The following AHCTF1 variants were observed in gnomAD, a reference collection of about 807,000 sequenced individuals.
AHCTF1 encodes the protein AT-hook containing transcription factor 1.
In AHCTF1, 24 loss-of-function variants were observed where a neutral mutation model predicts 248.4. That is an observed-to-expected ratio of 0.10 (90% CI 0.07 to 0.14). The LOEUF (loss-of-function observed/expected upper bound fraction) is 0.14, where lower values mean the gene tolerates loss of function less well. Among genes scored for constraint, AHCTF1 ranks in the 10% least tolerant of loss-of-function variants. The probability of loss-of-function intolerance (pLI) is 1.00; values close to 1 mark genes in which losing one functional copy is unlikely to be tolerated. For synonymous variants in AHCTF1, 786 were observed against 929.8 expected, an observed-to-expected ratio of 0.85 and a Z score of 2.81; for missense variants, 2,206 against 2,636.2, an observed-to-expected ratio of 0.84 and a Z score of 3.57.
At chr1:246,847,608 T>C (rs1660374265) in intron 33 of AHCTF1, among the ~76,000 whole-genome samples, 1 of 152,152 alleles carries the variant, frequency 6.6e-6, no homozygotes, top group Non-Finnish European at 1.5e-5. Context: ...CAAGTGATCC[T>C]CCTGCCTCAG....
chr1:246,848,496 C>T (rs552589908), intron 33 of AHCTF1, among the ~76,000 whole-genome samples: 114 of 151,816 alleles, frequency 7.5e-4, no homozygotes, highest in African/African-American at 2.5e-3. Flanking sequence ...CCACCGTGAC[C>T]GGCCAAGTCA....
chr1:246,893,694 A>C (rs1025993873), intron 14 of AHCTF1, among the ~76,000 whole-genome samples: 5 of 152,246 alleles, frequency 3.3e-5, no homozygotes, highest in African/African-American at 1.2e-4. Flanking sequence ...TTACCCTGCC[A>C]TTCAACTTCA....
At chr1:246,865,171 T>A (rs1181308684) in intron 26 of AHCTF1, 1 of 152,208 alleles carries the variant, frequency 6.6e-6, no homozygotes, top group Non-Finnish European at 1.5e-5. Context: ...CTCGATTTCC[T>A]AATAAACAGT....
chr1:246,873,022 G>C (rs1264786328), intron 24 of AHCTF1, among the ~76,000 whole-genome samples: 1 of 152,046 alleles, frequency 6.6e-6, no homozygotes, highest in Non-Finnish European at 1.5e-5. Context: ...AGTTTCAGGG[G>C]CTCAGACCCT....
chr1:246,857,361 AG>A (rs944961685), intron 30 of AHCTF1, among the ~76,000 whole-genome samples: 1 of 152,182 alleles, frequency 6.6e-6, no homozygotes, highest in Non-Finnish European at 1.5e-5. Context: ...TACCTACAAG[AG>A]TCTTGTGCCT....
intron 34 of AHCTF1, 42 bp from the exon 35 acceptor site, chr1:246,842,818 A>G (rs775251324): frequency 3.9e-6 from 6 of 1,538,066 alleles, no homozygotes; most frequent in Middle Eastern, 1.7e-4. Context: ...TTAAACACGA[A>G]TCCAATTTTA....
chr1:246,917,454 C>T (rs1225009044), intron 2 of AHCTF1, among the ~76,000 whole-genome samples: 1 of 151,918 alleles, frequency 6.6e-6, no homozygotes, highest in East Asian at 1.9e-4. Flanking sequence ...GGTCTGAGAA[C>T]GCCAAGGTTC....
chr1:246,869,053 C>T (rs998575194), intron 24 of AHCTF1, among the ~76,000 whole-genome samples: 21 of 151,640 alleles, frequency 1.4e-4, no homozygotes, highest in Non-Finnish European at 1.9e-4. Context: ...ACCATGTTGG[C>T]CAGGATGGTC....
At chr1:246,866,281 G>C (rs1269236765) in intron 26 of AHCTF1, among the ~76,000 whole-genome samples, 1 of 151,810 alleles carries the variant, frequency 6.6e-6, no homozygotes, top group African/African-American at 2.4e-5. Context: ...CGCAACCTCA[G>C]AGCCATTAAA....
chr1:246,871,076 T>C (rs1020608558), intron 24 of AHCTF1, among the ~76,000 whole-genome samples: 3 of 152,200 alleles, frequency 2.0e-5, no homozygotes, highest in African/African-American at 4.8e-5. Context: ...AGGGAACAGC[T>C]AGCCAGGGGA....
intron 29 of AHCTF1, among the ~76,000 whole-genome samples, chr1:246,858,126 AT>A (rs1363204808): frequency 1.3e-5 from 2 of 151,326 alleles, no homozygotes; most frequent in Admixed American, 6.6e-5. Context: ...TGCCCTGCTG[AT>A]TTTTTGTATT....
intron 33 of AHCTF1, among the ~76,000 whole-genome samples, chr1:246,844,540 G>A (rs1213227894): frequency 2.0e-5 from 3 of 152,044 alleles, no homozygotes; most frequent in Admixed American, 6.6e-5. Flanking sequence ...GATCAACAAA[G>A]TGAGAGCCCT....
intron 24 of AHCTF1, among the ~76,000 whole-genome samples, chr1:246,868,908 G>C (rs901543644): frequency 1.9e-4 from 28 of 145,334 alleles, no homozygotes; most frequent in African/African-American, 3.9e-4. Context: ...GCAGTGGTGT[G>C]ATCTCGGCTC....
chr1:246,867,325 A>G lies in AHCTF1; in HGVS notation c.3266T>C (p.Ile1089Thr), dbSNP rs950130217. 3.1e-6 allele frequency: 5 copies of G among 1,596,008 alleles called. No homozygotes were observed. The highest frequency in any genetic ancestry group is 2.2e-5 in the East Asian group (1 of 44,666). Residue 1089 changes from isoleucine (I) to threonine (T), a missense_variant, in exon 26 of 36, where the codon ATA (isoleucine) becomes ACA (threonine). Ile to Thr is a moderately conservative substitution (Grantham distance 89, BLOSUM62 -1). Transcript: ENST00000648844. ...NSSKIEEPSP[I>T]VYSLPAPELP... ...CTCTGGAGCTGGGAGCGAATACACTATAGGAGATGGTTCTTCTATTTTAGA... is the reference window on the plus strand; with the variant it reads ...CTCTGGAGCTGGGAGCGAATACACTGTAGGAGATGGTTCTTCTATTTTAGA...
At chr1:246,892,188 G>A (rs1414348620) in intron 14 of AHCTF1, among the ~76,000 whole-genome samples, 1 of 151,440 alleles carries the variant, frequency 6.6e-6, no homozygotes, top group African/African-American at 2.4e-5. Flanking sequence ...CAAAAGACAG[G>A]GATTTACTTT....
At chr1:246,876,345 A>AT (rs975570459) in intron 23 of AHCTF1, among the ~76,000 whole-genome samples, 158 bp from the exon 24 acceptor site, 3 of 152,244 alleles carry the variant, frequency 2.0e-5, no homozygotes, top group East Asian at 1.9e-4. Flanking sequence ...CACATATCTA[A>AT]TTTTTTTATC....
At chr1:246,926,066 A>C (rs1391468629) in intron 1 of AHCTF1, among the ~76,000 whole-genome samples, 1 of 140,718 alleles carries the variant, frequency 7.1e-6, no homozygotes, top group Admixed American at 7.1e-5. Flanking sequence ...AAAAAAAAAA[A>C]GGCCTGGTAC....
At chr1:246,923,862 A>AATAG (rs756573900) in intron 1 of AHCTF1, among the ~76,000 whole-genome samples, 1 of 152,166 alleles carries the variant, frequency 6.6e-6, no homozygotes, top group Non-Finnish European at 1.5e-5. Context: ...TGAAGGGGGA[A>AATAG]ATAGATAACC....
intron 1 of AHCTF1, among the ~76,000 whole-genome samples, chr1:246,928,605 AT>A (rs1237288252): frequency 2.6e-5 from 4 of 152,202 alleles, no homozygotes; most frequent in African/African-American, 9.6e-5. Flanking sequence ...ACAAAACAAA[AT>A]TCTTAAAATT....
Sources: gnomAD v4.1 joint callset for allele counts (sites outside exome capture counted in the v4.1 genomes callset) on GRCh38, gnomAD v4.1.1 for gene constraint, MANE v1.5 for transcripts, NCBI Gene and HGNC (gene_info 2026-07-23, HGNC 2026-07-21) for gene names.